OGG1: variants seen among roughly 807,000 people sequenced by gnomAD.
OGG1 encodes the protein N-glycosylase/DNA lyase.
Under a neutral mutation model 42.3 loss-of-function variants are expected in OGG1, and 35 were observed. That is an observed-to-expected ratio of 0.83 (90% CI 0.63 to 1.10). The LOEUF is 1.10. OGG1 is among the 50% of genes least tolerant of loss of function. The pLI is 0.00. For synonymous variants in OGG1, 189 were observed against 179.0 expected, an observed-to-expected ratio of 1.06 and a Z score of -0.44; for missense variants, 484 against 446.7, an observed-to-expected ratio of 1.08 and a Z score of -0.75.
chr3:9,780,339 C>T lies in OGG1; in HGVS notation c.295-1174C>T, dbSNP rs3887189. ...CCCTCCCCTAGGCCAGATAATCAGCCTGAGGCAGGGGTGAGGGCTACCCAT... is the reference window on the plus strand; with the variant it reads ...CCCTCCCCTAGGCCAGATAATCAGCTTGAGGCAGGGGTGAGGGCTACCCAT... On this transcript the variant is annotated intron_variant, in intron 2 of 3. Coordinates refer to the OGG1 transcript ENST00000426518. 28 of 1,601,416 alleles carry T rather than the reference C, an allele frequency of 1.7e-5. No individual in the cohort carries two copies. The African/African-American group carries it at 2.3e-4, about 13-fold the overall frequency.
downstream of OGG1, chr3:9,789,666 C>T (rs199831561): frequency 5.5e-5 from 88 of 1,610,146 alleles, no homozygotes; most frequent in Non-Finnish European, 7.2e-5. Flanking sequence ...CCAGTGCCTC[C>T]ACCACCAGAA....
chr3:9,768,283 C>A (rs1340162783), downstream of OGG1, among the ~76,000 whole-genome samples: 2 of 152,234 alleles, frequency 1.3e-5, no homozygotes, highest in African/African-American at 2.4e-5. Flanking sequence ...ACATCTCAGC[C>A]ACATTTTTAA....
At chr3:9,777,279 A>T (rs7641176) in intron 2 of OGG1, among the ~76,000 whole-genome samples, 99,197 of 152,106 alleles carry the variant, frequency 0.65, 32,985 homozygotes, top group Middle Eastern at 0.82. Context: ...AATTGTTTTG[A>T]ATTAAATTTG....
downstream of OGG1, chr3:9,761,512 G>T: frequency 3.7e-6 from 6 of 1,613,572 alleles, no homozygotes; most frequent in Non-Finnish European, 5.1e-6. Context: ...CTTGCTGTAG[G>T]GCTTCTGGGC....
chr3:9,764,690 C>T (rs1329907943), intron 7 of OGG1, among the ~76,000 whole-genome samples: 1 of 135,754 alleles, frequency 7.4e-6, no homozygotes, highest in South Asian at 2.4e-4. Flanking sequence ...GTGTAATGCA[C>T]GGTGTGATCT....
chr3:9,779,139 G>A (rs1444246611), intron 2 of OGG1, among the ~76,000 whole-genome samples: 1 of 152,000 alleles, frequency 6.6e-6, no homozygotes, highest in African/African-American at 2.4e-5. Flanking sequence ...GGTCTATCTA[G>A]CACTCACTTC....
At chr3:9,767,645 C>G, downstream of OGG1, 1 of 1,614,014 alleles carries the variant, frequency 6.2e-7, no homozygotes, top group Non-Finnish European at 8.5e-7. Flanking sequence ...CCATCCAGCA[C>G]CCAATCCTGC....
At chr3:9,761,879 G>T, downstream of OGG1, 1 of 1,428,874 alleles carries the variant, frequency 7.0e-7, no homozygotes, top group Non-Finnish European at 9.3e-7. Context: ...TGGCTTCATG[G>T]CTGTCATAAG....
rs747638147 is a variant in OGG1, at chr3:9,751,776, G to A, written c.392G>A (p.Arg131Gln). 6.8e-6 allele frequency: 11 copies of A among 1,614,144 alleles called. No individual in the cohort carries two copies. The East Asian group carries it at 8.9e-5, about 13-fold the overall frequency. The change falls in exon 3 of 7, where the codon CGA becomes CAA. Residue 131 changes from arginine (R) to glutamine (Q), a missense_variant. Physicochemically the swap from Arg to Gln is conservative, Grantham distance 43. Coordinates refer to ENST00000344629, the MANE Select transcript of OGG1 (RefSeq NM_002542.6). ...CTGCATTTCTGGTCTCCAGGTGTGC[G>A]ACTGCTGCGACAAGACCCCATCGAA... ...QEVAQKFQGV[R>Q]LLRQDPIECL...
At chr3:9,789,451 C>G, downstream of OGG1, 1 of 1,503,602 alleles carries the variant, frequency 6.7e-7, no homozygotes, top group Non-Finnish European at 9.2e-7. Flanking sequence ...CTTTACTTCT[C>G]AGGCACCTCT....
downstream of OGG1, chr3:9,770,083 G>A (rs1213255622): frequency 6.6e-6 from 1 of 152,522 alleles, no homozygotes; most frequent in Admixed American, 6.5e-5. Flanking sequence ...CACGGGTGGA[G>A]GCCATCTCCC....
At chr3:9,787,032 G>C (rs1188143064) in intron 3 of OGG1, 1 of 1,614,188 alleles carries the variant, frequency 6.2e-7, no homozygotes, top group South Asian at 1.1e-5. Flanking sequence ...AGGAGGCGCT[G>C]CGTCAGGGCA....
chr3:9,786,938 T>A lies in OGG1; in HGVS notation c.383-790T>A, dbSNP rs907418733. ...CTAATAAATGTATGATAAATTCCGA[T>A]AAAAAATAAGCATAACACATTAAAA... On this transcript the variant is annotated intron_variant, in intron 3 of 3. Transcript: ENST00000426518. 7.1e-6 allele frequency: 10 copies of A among 1,417,314 alleles called. No individual in the cohort carries two copies. In the African/African-American group the frequency reaches 1.3e-4, roughly 18 times the overall value. 87.8% of individuals were successfully genotyped at this position (1,417,314 alleles called of 1,614,324 possible).
At chr3:9,771,220 T>G (rs148442736), downstream of OGG1, among the ~76,000 whole-genome samples, 119 of 151,980 alleles carry the variant, frequency 7.8e-4, no homozygotes, top group African/African-American at 2.7e-3. Flanking sequence ...GATGGGGATC[T>G]CACTATATTG....
downstream of OGG1, among the ~76,000 whole-genome samples, chr3:9,770,712 C>G (rs2078282327): frequency 6.6e-6 from 1 of 151,832 alleles, no homozygotes; most frequent in South Asian, 2.1e-4. Context: ...AGAGAGCCTG[C>G]AACTAGGACG....
chr3:9,750,117 C>T lies in OGG1; in HGVS notation c.-170C>T, dbSNP rs186307233. 13 of 857,354 alleles carry T rather than the reference C, an allele frequency of 1.5e-5. No individual in the cohort carries two copies. The highest frequency in any genetic ancestry group is 2.1e-5 in the Non-Finnish European group (12 of 566,836). 53.1% of individuals were successfully genotyped at this position (857,354 alleles called of 1,614,324 possible). A position where few individuals can be genotyped will look rare whatever the true frequency, so the allele number is the denominator to read the frequency against. On this transcript the variant is annotated 5_prime_UTR_variant, in exon 1 of 7. It introduces an in-frame stop codon into an upstream open reading frame of the 5' UTR. Coordinates refer to ENST00000344629, the MANE Select transcript of OGG1 (RefSeq NM_002542.6). ...CGGGGCTTTGATGACCCGCAAAGGG[C>T]GAGGCATGCAGGAGGTGGAGGAATT...
intron 2 of OGG1, among the ~76,000 whole-genome samples, chr3:9,773,494 C>T (rs573562934): frequency 3.3e-5 from 5 of 151,772 alleles, no homozygotes; most frequent in Non-Finnish European, 7.4e-5. Flanking sequence ...TGAGCAGAGA[C>T]CACGCGCCAC....
At chr3:9,785,357 G>A (rs745606972) in intron 3 of OGG1, 40 of 1,613,872 alleles carry the variant, frequency 2.5e-5, no homozygotes, top group South Asian at 5.5e-5. Flanking sequence ...TGCTTGCCCC[G>A]TCAGCCCCTG....
chr3:9,759,299 C>G, downstream of OGG1: 3 of 1,603,306 alleles, frequency 1.9e-6, no homozygotes, highest in Non-Finnish European at 2.6e-6. Context: ...GAGGGACCCT[C>G]TCTGGAATAG....
Sources: gnomAD v4.1 joint callset for allele counts (sites outside exome capture counted in the v4.1 genomes callset) on GRCh38, gnomAD v4.1.1 for gene constraint, MANE v1.5 for transcripts, NCBI Gene and HGNC (gene_info 2026-07-23, HGNC 2026-07-21) for gene names.